The following LONP2 variants were observed in gnomAD, a reference collection of about 807,000 sequenced individuals.
LONP2 encodes the protein lon protease homolog 2, peroxisomal.
LONP2 carries 60 observed loss-of-function variants against 85.6 expected under a neutral mutation model. The ratio of observed to expected loss-of-function variants is 0.70; its 90% CI spans 0.57 to 0.87. The LOEUF is 0.87. Among genes scored for constraint, LONP2 ranks in the 40% least tolerant of loss-of-function variants. LONP2 has a pLI of 0.00. For missense variants in LONP2, 860 were observed against 1,063.5 expected (o/e 0.81, Z 2.66); for synonymous variants, 395 against 389.7 (o/e 1.01, Z -0.16).
In LONP2 at chr16:48,251,195, GTTC is replaced by G. The variant is rs148102381; in HGVS notation, c.234-931_234-929del. 5.6e-3 allele frequency among the ~76,000 whole-genome samples: 859 copies of G among 152,262 alleles called. 8 individuals carry two copies. Among genetic ancestry groups the G allele is most frequent in the African/African-American group, 0.018 (767 of 41,552 alleles). ...TATCTTTGAGATGGGCAGGTGTGGT[GTTC>G]TTCTATTACCGCTTTCCTAGGGTGT... is the stretch of plus-strand genomic sequence containing the variant. On this transcript the variant is annotated intron_variant, in intron 1 of 14. Coordinates refer to ENST00000285737, the MANE Select transcript of LONP2 (RefSeq NM_031490.5).
At chr16:48,334,045 A>G (rs930736704) in intron 11 of LONP2, among the ~76,000 whole-genome samples, 171 bp from the exon 12 acceptor site, 1 of 152,208 alleles carries the variant, frequency 6.6e-6, no homozygotes, top group Admixed American at 6.5e-5. Flanking sequence ...TTGAAACACA[A>G]ATTATTTCAC....
chr16:48,331,789 C>G (rs892847219), intron 11 of LONP2, among the ~76,000 whole-genome samples: 1 of 152,122 alleles, frequency 6.6e-6, no homozygotes, highest in Non-Finnish European at 1.5e-5. Context: ...TGGTCTCGAT[C>G]TCCTGACCTC....
At chr16:48,244,912 C>T (rs1002010835) in intron 1 of LONP2, among the ~76,000 whole-genome samples, 3 of 152,210 alleles carry the variant, frequency 2.0e-5, no homozygotes, top group Admixed American at 6.5e-5. Context: ...AATTCCTCGC[C>T]CTCGGTCTTC....
intron 7 of LONP2, among the ~76,000 whole-genome samples, chr16:48,276,706 T>A (rs1001846029): frequency 6.6e-6 from 1 of 152,204 alleles, no homozygotes. Context: ...GCATATGGGA[T>A]GAATACAGTT....
chr16:48,255,689 T>G (rs535846872), intron 2 of LONP2, among the ~76,000 whole-genome samples: 15 of 151,858 alleles, frequency 9.9e-5, no homozygotes, highest in South Asian at 2.1e-4. Context: ...AATTGAATTA[T>G]GGGGGCGGTT....
At position 48,347,517 on chromosome 16, in the gene LONP2, G is replaced by A. The variant is rs146778858; in HGVS notation, c.1949G>A (p.Arg650His). Reference sequence around the variant, plus strand: ...TCTTCTTCTTTCAAGGTATCTCAGCGTTTGAGTCAGCCAGGAGTAGCAATA... The same window carrying A: ...TCTTCTTCTTTCAAGGTATCTCAGCATTTGAGTCAGCCAGGAGTAGCAATA... ...PPMYEMEVSQ[R>H]LSQPGVAIGL... Residue 650 changes from arginine to histidine, a missense_variant, in exon 13 of 15, where the codon CGT (arginine) becomes CAT (histidine). Coordinates refer to ENST00000285737, the MANE Select transcript of LONP2 (RefSeq NM_031490.5). 3.1e-6 allele frequency: 5 copies of A among 1,614,062 alleles called. No individual in the cohort carries two copies. Among genetic ancestry groups the A allele is most frequent in the Admixed American group, 1.7e-5 (1 of 60,002 alleles).
intron 7 of LONP2, 120 bp downstream of exon 7, chr16:48,270,394 G>C: frequency 9.5e-7 from 1 of 1,057,468 alleles, no homozygotes; most frequent in East Asian, 2.4e-5. Flanking sequence ...GTGGTACCTT[G>C]AATGAAAAGG....
At chr16:48,335,325 T>C (rs188804622) in intron 12 of LONP2, among the ~76,000 whole-genome samples, 23 of 152,320 alleles carry the variant, frequency 1.5e-4, no homozygotes, top group Admixed American at 1.5e-3. Flanking sequence ...TATTGTTCCA[T>C]TGTTAATAGT....
intron 12 of LONP2, among the ~76,000 whole-genome samples, chr16:48,337,301 T>C (rs1959681624): frequency 6.6e-6 from 1 of 152,232 alleles, no homozygotes; most frequent in Non-Finnish European, 1.5e-5. Context: ...GCATCTGCTC[T>C]ACATCAGATT....
chr16:48,246,757 T>C (rs920070675), intron 1 of LONP2, among the ~76,000 whole-genome samples: 3 of 152,150 alleles, frequency 2.0e-5, no homozygotes, highest in African/African-American at 7.2e-5. Context: ...AAATTTTTTG[T>C]AGAAATGGGG....
chr16:48,278,587 C>T (rs1012810571), intron 8 of LONP2, among the ~76,000 whole-genome samples: 1 of 152,150 alleles, frequency 6.6e-6, no homozygotes, highest in Non-Finnish European at 1.5e-5. Flanking sequence ...TAGAATTGTA[C>T]TTTGCCTCCA....
chr16:48,257,852 C>T (rs4785513), intron 3 of LONP2, among the ~76,000 whole-genome samples: 1 of 152,288 alleles, frequency 6.6e-6, no homozygotes, highest in Non-Finnish European at 1.5e-5. Context: ...TGTTTTACTG[C>T]GGGAACAGAG....
chr16:48,292,640 C>A (rs1386956293), intron 8 of LONP2, among the ~76,000 whole-genome samples: 2 of 152,334 alleles, frequency 1.3e-5, no homozygotes, highest in East Asian at 1.9e-4. Context: ...TGTAAACACA[C>A]TATTCTTAAC....
At chr16:48,313,105 T>C (rs1973069159) in intron 11 of LONP2, among the ~76,000 whole-genome samples, 1 of 152,206 alleles carries the variant, frequency 6.6e-6, no homozygotes, top group South Asian at 2.1e-4. Context: ...TTCTTCAGAA[T>C]TGGGTTGGCT....
intron 12 of LONP2, chr16:48,334,710 G>GT (rs1331114668): frequency 1.1e-5 from 6 of 555,084 alleles, no homozygotes; most frequent in Non-Finnish European, 2.1e-5. Flanking sequence ...TCCTTCAGCT[G>GT]TTTGCCCTCA....
At chr16:48,279,575 T>C (rs1055239615) in intron 8 of LONP2, among the ~76,000 whole-genome samples, 7 of 152,200 alleles carry the variant, frequency 4.6e-5, no homozygotes, top group Middle Eastern at 3.4e-3. Flanking sequence ...TATATGTTCT[T>C]ATCAGCTGTG....
chr16:48,343,040 G>T lies in LONP2; in HGVS notation c.1939-4467G>T, dbSNP rs141026268. 7.6e-3 allele frequency among the ~76,000 whole-genome samples: 1,162 copies of T among 152,294 alleles called. 6 individuals carry two copies. The highest frequency in any genetic ancestry group is 0.013 in the Non-Finnish European group (854 of 68,028). On this transcript the variant is annotated intron_variant, in intron 12 of 14. Transcript: ENST00000285737. ...AGACTCAGCCTCTCCTGTGACACCT[G>T]TGTCTTCTCTCCAAACAGGGAGGGA...
At chr16:48,253,884 A>G (rs1230600022) in intron 2 of LONP2, among the ~76,000 whole-genome samples, 1 of 152,154 alleles carries the variant, frequency 6.6e-6, no homozygotes, top group Non-Finnish European at 1.5e-5. Context: ...TTGTTTTTGT[A>G]TCCATGTCTG....
At position 48,293,783 on chromosome 16, in the gene LONP2, GAC is replaced by G. The variant is rs775111379; in HGVS notation, c.1384-2230_1384-2229del. Among the ~76,000 whole-genome samples, 5 of 152,310 alleles carry G rather than the reference GAC, an allele frequency of 3.3e-5. No homozygotes were observed. The East Asian group carries it at 9.6e-4, about 29-fold the overall frequency. ...TCTTGCTCAAATTGGATTTTACAAA[GAC>G]AGAGGGAAGGCTGACATTGGCCTAG... On this transcript the variant is annotated intron_variant, in intron 8 of 14. Transcript: ENST00000285737.
Sources: allele counts gnomAD v4.1 joint callset (sites outside exome capture counted in the v4.1 genomes callset), GRCh38; gene constraint gnomAD v4.1.1; transcripts MANE v1.5; gene names NCBI Gene and HGNC (gene_info 2026-07-23, HGNC 2026-07-21).